Variants in HIP1R observed in about 807,000 individuals in gnomAD.
HIP1R encodes the protein huntingtin interacting protein 1 related, also known as huntingtin-interacting protein 1-related protein.
In HIP1R, 135 loss-of-function variants were observed where a neutral mutation model predicts 144.2. The ratio of observed to expected loss-of-function variants is 0.94; its 90% confidence interval spans 0.81 to 1.08. The LOEUF is 1.08. Among genes scored for constraint, HIP1R ranks in the 50% least tolerant of loss-of-function variants. The pLI, the probability that HIP1R is intolerant of heterozygous loss-of-function variation, is 0.00. For synonymous variants in HIP1R, 698 were observed against 612.8 expected, an observed-to-expected ratio of 1.14 and a Z score of -2.05; for missense variants, 1,462 against 1,432.8, an observed-to-expected ratio of 1.02 and a Z score of -0.33.
intron 8 of HIP1R, among the ~76,000 whole-genome samples, 163 bp from the exon 9 acceptor site, chr12:122,854,742 A>G (rs1332644251): frequency 6.6e-6 from 1 of 152,044 alleles, no homozygotes; most frequent in Non-Finnish European, 1.5e-5. Flanking sequence ...GCCCTCCCAC[A>G]GCGTCTCCCA....
chr12:122,853,740 A>G (rs7485652), intron 7 of HIP1R: 296,117 of 311,772 alleles, frequency 0.95, 140,807 homozygotes, highest in East Asian at 0.99. Context: ...GCATGGAGCT[A>G]TCCGTCACCC....
intron 20 of HIP1R, 25 bp downstream of exon 20, chr12:122,858,460 A>G (rs1310893818): frequency 1.3e-6 from 2 of 1,556,436 alleles, no homozygotes; most frequent in East Asian, 2.3e-5. Flanking sequence ...GGCAGGGCGG[A>G]GGCGGGGGCT....
rs564891186 is a variant in HIP1R, at chr12:122,851,569, G to A, written c.577+272G>A. 9.9e-5 allele frequency among the ~76,000 whole-genome samples: 15 copies of A among 152,082 alleles called. No homozygotes were observed. The South Asian group carries it at 1.0e-3, about 11-fold the overall frequency. On this transcript the variant is annotated intron_variant, in intron 7 of 31. Transcript: ENST00000253083. ...ATAAAAATTAGCCAGGCGTGGTGGC[G>A]CACGCCTGTATTCCCAGCTACTTGG...
rs937548167 is a variant in HIP1R at position 122,858,231 on chromosome 12, C to T, written c.1945C>T (p.Arg649Cys). ...CAAGCTGGACGACCCCCTGCACCTG[C>T]GCTGTACCAGCTCCCCAGGTAGACA... ...VSKLDDPLHL[R>C]CTSSPDYLVS... The change falls in exon 19 of 32, where the codon CGC becomes TGC. Residue 649 changes from arginine to cysteine, a missense_variant. By Grantham distance (180) the Arg-to-Cys change is radical (BLOSUM62 -3). This residue lies in a region of HIP1R where 1,112 missense variants were observed against 1,011.7 expected (regional missense o/e 1.10). Coordinates refer to ENST00000253083, the MANE Select transcript of HIP1R (RefSeq NM_003959.3). The T allele has an allele frequency of 9.4e-6, 15 of 1,598,854 alleles. No individual in the cohort carries two copies. Among genetic ancestry groups the T allele is most frequent in the Non-Finnish European group, 1.2e-5 (14 of 1,170,532 alleles).
intron 22 of HIP1R, 51 bp downstream of exon 22, chr12:122,859,248 T>C: frequency 6.5e-7 from 1 of 1,544,346 alleles, no homozygotes; most frequent in African/African-American, 1.4e-5. Context: ...GCCTCTGACC[T>C]CTGCACCCAC....
rs370027299 is a variant in HIP1R, at chr12:122,861,762, G to A, written c.*9G>A. The A allele has an allele frequency of 7.4e-6, 12 of 1,613,774 alleles. No individual in the cohort carries two copies. Among genetic ancestry groups the A allele is most frequent in the Middle Eastern group, 1.6e-4 (1 of 6,082 alleles). On this transcript the variant is annotated 3_prime_UTR_variant, in exon 32 of 32. Transcript: ENST00000253083. ...AACTCGTGAACTACTAGGCCCCCCAGGGGTCCAGCAGGGTGGCTGGTGACA... is the reference window on the plus strand; with the variant it reads ...AACTCGTGAACTACTAGGCCCCCCAAGGGTCCAGCAGGGTGGCTGGTGACA...
At chr12:122,854,493 G>A (rs942412631) in intron 8 of HIP1R, among the ~76,000 whole-genome samples, 21 of 152,146 alleles carry the variant, frequency 1.4e-4, no homozygotes, top group African/African-American at 4.8e-4. Context: ...GGGTGCAAGC[G>A]CAAAAAGGCA....
In HIP1R at chr12:122,860,420, T is replaced by C. The variant is rs752596774; in HGVS notation, c.2560-3T>C. On this transcript the variant is annotated splice_region_variant and splice_polypyrimidine_tract_variant and intron_variant, in intron 26 of 31. Transcript: ENST00000253083. ...TCCTGCCCTGTTCTCCCGTCGCCACTAGGGGGCAGCCACGCAGCAGGAATT... is the reference window on the plus strand; with the variant it reads ...TCCTGCCCTGTTCTCCCGTCGCCACCAGGGGGCAGCCACGCAGCAGGAATT... 6.2e-7 allele frequency: 1 copy of C among 1,613,168 alleles called. No homozygotes were observed. The highest frequency in any genetic ancestry group is 1.1e-5 in the South Asian group (1 of 91,080).
chr12:122,859,890 G>A (rs2033714421), intron 24 of HIP1R, 60 bp downstream of exon 24: 2 of 1,549,794 alleles, frequency 1.3e-6, no homozygotes, highest in Non-Finnish European at 1.8e-6. Context: ...GGCCCCTAAG[G>A]TTCTGCCCCC....
At chr12:122,861,545 TG>T in intron 31 of HIP1R, 31 bp downstream of exon 31, 2 of 1,593,690 alleles carry the variant, frequency 1.3e-6, no homozygotes, top group South Asian at 2.3e-5. Context: ...GGGGAGTTCC[TG>T]GACGGGGGTG....
rs756487340 is a variant in HIP1R at position 122,854,155 on chromosome 12, G to A, written c.690G>A (p.Thr230=). The change falls in exon 8 of 32, where the codon ACG becomes ACA. Residue 230 remains threonine (T), a synonymous_variant. Transcript: ENST00000253083. The stretch of plus-strand genomic sequence containing the variant: ...ACTGCAGCCACCTCTACCACTACAC[G>A]GTCAAGCTCCTGTTCAAGCTACACT... ...IQDCSHLYHY[T]VKLLFKLHSC... 1.5e-5 allele frequency: 25 copies of A among 1,613,566 alleles called. No homozygotes were observed. The highest frequency in any genetic ancestry group is 1.6e-4 in the Middle Eastern group (1 of 6,080).
In HIP1R at chr12:122,835,484, G is replaced by C; in HGVS notation, c.-67G>C. The C allele has an allele frequency of 8.2e-7, 1 of 1,214,452 alleles. No individual in the cohort carries two copies. The highest frequency in any genetic ancestry group is 1.0e-6 in the Non-Finnish European group (1 of 972,398). The allele number at this position is 1,214,452 out of a possible 1,614,324, so 75.2% of individuals were successfully genotyped here. On this transcript the variant is annotated 5_prime_UTR_variant, in exon 1 of 32. Coordinates refer to ENST00000253083, the MANE Select transcript of HIP1R (RefSeq NM_003959.3). The stretch of plus-strand genomic sequence containing the variant: ...GGTGGCCTCGCGGTGCCTAGGCTGG[G>C]GCTGCCGGACCGTGAGGCTGTGAGT...
chr12:122,847,514 A>G (rs761134734), intron 1 of HIP1R, among the ~76,000 whole-genome samples: 4 of 152,184 alleles, frequency 2.6e-5, no homozygotes, highest in Admixed American at 1.3e-4. Flanking sequence ...GGGGCAGCCT[A>G]TGGGGCAGTG....
chr12:122,856,530 G>A lies in HIP1R; in HGVS notation c.1500G>A (p.Lys500=). 6.3e-7 allele frequency: 1 copy of A among 1,599,556 alleles called. No homozygotes were observed. The highest frequency in any genetic ancestry group is 8.5e-7 in the Non-Finnish European group (1 of 1,172,868). ...EQLAFQVEQV[K]RESELKLEEK... ...TGGCCTTCCAGGTGGAGCAGGTGAA[G>A]CGGGAGTCGGAGTTGAAGGTATGTC... The change falls in exon 16 of 32, where the codon AAG becomes AAA. Residue 500 remains lysine, a synonymous_variant. Coordinates refer to ENST00000253083, the MANE Select transcript of HIP1R (RefSeq NM_003959.3).
intron 1 of HIP1R, among the ~76,000 whole-genome samples, chr12:122,847,304 G>T (rs374587857): frequency 3.0e-5 from 4 of 132,632 alleles, no homozygotes; most frequent in Non-Finnish European, 5.4e-5. Context: ...TAGCCGGGGC[G>T]GGGGGGGAGG....
At chr12:122,843,586 G>A (rs541193659) in intron 1 of HIP1R, among the ~76,000 whole-genome samples, 2 of 152,328 alleles carry the variant, frequency 1.3e-5, no homozygotes, top group East Asian at 1.9e-4. Flanking sequence ...GTGCCCCTGA[G>A]CTTTGTCCCC....
At chr12:122,858,456 G>GC (rs1566113830) in intron 20 of HIP1R, 21 bp downstream of exon 20, 15 of 1,568,106 alleles carry the variant, frequency 9.6e-6, no homozygotes, top group Non-Finnish European at 1.3e-5. Context: ...CCAGGGCAGG[G>GC]CGGAGGCGGG....
At chr12:122,859,956 A>G (rs1212723998) in intron 24 of HIP1R, 91 bp from the exon 25 acceptor site, 7 of 1,460,830 alleles carry the variant, frequency 4.8e-6, no homozygotes, top group Admixed American at 2.1e-5. Context: ...CTCCCTCCCC[A>G]CCTGCTGAGC....
intron 1 of HIP1R, among the ~76,000 whole-genome samples, chr12:122,841,012 C>T (rs1593860028): frequency 6.6e-6 from 1 of 152,328 alleles, no homozygotes; most frequent in East Asian, 1.9e-4. Flanking sequence ...TGGATCCCAG[C>T]AGCTTAAAGT....
Sources: allele counts gnomAD v4.1 joint callset (sites outside exome capture counted in the v4.1 genomes callset), GRCh38; gene constraint gnomAD v4.1.1; regional missense constraint gnomAD v4.1.1; transcripts MANE v1.5; gene names NCBI Gene and HGNC (gene_info 2026-07-23, HGNC 2026-07-21).